The following RASGRF1 variants were observed in gnomAD, a reference collection of about 807,000 sequenced individuals.
RASGRF1 encodes Ras protein specific guanine nucleotide releasing factor 1.
Under a neutral mutation model 138.7 loss-of-function variants are expected in RASGRF1, and 40 were observed. The observed-to-expected ratio is 0.29, with a 90% CI of 0.22 to 0.38. RASGRF1 has a LOEUF of 0.38. Among genes scored for constraint, RASGRF1 ranks in the 10% least tolerant of loss-of-function variants. RASGRF1 has a pLI of 1.00. For synonymous variants in RASGRF1, 614 were observed against 663.2 expected (o/e 0.93, Z 1.14); for missense variants, 1,108 against 1,650.4 (o/e 0.67, Z 5.69).
At chr15:79,005,401 C>T (rs1000569552) in intron 14 of RASGRF1, 4 of 985,202 alleles carry the variant, frequency 4.1e-6, no homozygotes, top group Non-Finnish European at 2.4e-6. Context: ...TGGGGCAGGG[C>T]ACTCAGAGAG....
At chr15:79,004,420 C>T (rs2056625723) in intron 14 of RASGRF1, among the ~76,000 whole-genome samples, 1 of 152,258 alleles carries the variant, frequency 6.6e-6, no homozygotes, top group East Asian at 1.9e-4. Context: ...GCCCCCCCAC[C>T]CCCTCAGGGC....
rs757745660 is a variant in RASGRF1, at chr15:79,090,413, A to T, written c.86T>A (p.Leu29Gln). The T allele has an allele frequency of 6.2e-7, 1 of 1,613,484 alleles. No homozygotes were observed. The highest frequency in any genetic ancestry group is 8.5e-7 in the Non-Finnish European group (1 of 1,179,980). Residue 29 changes from leucine to glutamine, a missense_variant, in exon 1 of 27, where the codon CTG (leucine) becomes CAG (glutamine). Coordinates refer to ENST00000558480, the MANE Select transcript of RASGRF1 (RefSeq NM_001145648.3). ...TGTGTTGTCCGAACTCCGCTTGCTC[A>T]GGTAGCCTTTGCGCGTGCCGTCCTT... ...ARKDGTRKGY[L>Q]SKRSSDNTKW...
intron 20 of RASGRF1, among the ~76,000 whole-genome samples, chr15:78,992,133 T>G (rs933702441): frequency 6.6e-6 from 1 of 152,212 alleles, no homozygotes; most frequent in Admixed American, 6.5e-5. Flanking sequence ...AAGCTGGAAG[T>G]GGGCTGACTA....
chr15:79,074,012 C>G (rs1172073722), intron 1 of RASGRF1, among the ~76,000 whole-genome samples: 1 of 152,182 alleles, frequency 6.6e-6, no homozygotes, highest in African/African-American at 2.4e-5. Context: ...TGGGTGCCAC[C>G]AGTTTTCTAG....
intron 4 of RASGRF1, 41 bp from the exon 5 acceptor site, chr15:79,047,040 G>A (rs1397026486): frequency 6.3e-7 from 1 of 1,591,758 alleles, no homozygotes; most frequent in Non-Finnish European, 8.6e-7. Flanking sequence ...CTGTCAGGGA[G>A]TCTGGACCAC....
intron 23 of RASGRF1, chr15:78,984,707 C>T (rs545921992): frequency 4.9e-6 from 2 of 404,688 alleles, no homozygotes; most frequent in South Asian, 2.3e-5. Context: ...ATAAAGCCAC[C>T]ACTCTTGCCC....
At chr15:79,015,652 T>C (rs997375783) in intron 12 of RASGRF1, among the ~76,000 whole-genome samples, 5 of 152,240 alleles carry the variant, frequency 3.3e-5, no homozygotes, top group African/African-American at 4.8e-5. Flanking sequence ...TTTCATTATA[T>C]GCAAAGTGGG....
Position 79,032,008 on chromosome 15 carries a change from C to T in RASGRF1, c.1152+115G>A. ...CTGCTGGCCCTGACCACCTCCCCCG[C>T]CCCCTTTGGCAGCCCAGAGCTGGGG... On this transcript the variant is annotated intron_variant, in intron 7 of 26. Transcript: ENST00000558480. This position sits in a 1 kb window ranked among gnomAD's most constrained non-coding sequence, Gnocchi z 4.5. 1 of 1,290,296 alleles carries T rather than the reference C, an allele frequency of 7.8e-7. No individual in the cohort carries two copies. Among genetic ancestry groups the T allele is most frequent in the South Asian group, 1.5e-5 (1 of 67,440 alleles). The allele number at this position is 1,290,296 out of a possible 1,614,324, so 79.9% of individuals were successfully genotyped here. A position where few individuals can be genotyped will look rare whatever the true frequency, so the allele number is the denominator to read the frequency against.
At chr15:79,089,278 T>C (rs1728039589) in intron 1 of RASGRF1, among the ~76,000 whole-genome samples, 1 of 152,238 alleles carries the variant, frequency 6.6e-6, no homozygotes, top group South Asian at 2.1e-4. Context: ...TCCACTATCA[T>C]CTGCTTTATC....
At chr15:78,968,889 C>A (rs1270975343) in intron 26 of RASGRF1, among the ~76,000 whole-genome samples, 1 of 152,164 alleles carries the variant, frequency 6.6e-6, no homozygotes, top group African/African-American at 2.4e-5. Flanking sequence ...ACCCCTGATA[C>A]CCGAAGTCTT....
rs2055917194 is a variant in RASGRF1 at position 78,978,216 on chromosome 15, T to TTTTCTTTTC, written c.3494+2403_3494+2404insGAAAAGAAA. ...TTTTCTTCTTTTTCTTTTTCTTTTC[T>TTTTCTTTTC]TTTGTTTTTTTTTTTTTTTTTTTTT... On this transcript the variant is annotated intron_variant, in intron 24 of 26. Transcript: ENST00000558480. Among the ~76,000 whole-genome samples, 33 of 62,222 alleles carry TTTTCTTTTC rather than the reference T, an allele frequency of 5.3e-4. 1 individual carries two copies. Among genetic ancestry groups the TTTTCTTTTC allele is most frequent in the African/African-American group, 1.4e-3 (24 of 16,794 alleles). 40.8% of individuals were successfully genotyped at this position (62,222 alleles called of 152,430 possible). A position where few individuals can be genotyped will look rare whatever the true frequency, so the allele number is the denominator to read the frequency against.
Position 78,999,839 on chromosome 15 carries a change from A to G in RASGRF1, c.2650T>C (p.Leu884=). ...ATGGCAAAGGCAGAGGCGGCCGACA[A>G]GGCACTGCGGTTATTGTCCAGTTCA... ...CRELDNNRSA[L]SAASAFAIAT... The change falls in exon 17 of 27, where the codon TTG becomes CTG. Residue 884 remains leucine (L), a synonymous_variant. Transcript: ENST00000558480. 6.2e-7 allele frequency: 1 copy of G among 1,614,190 alleles called. No homozygotes were observed. Among genetic ancestry groups the G allele is most frequent in the Admixed American group, 1.7e-5 (1 of 60,026 alleles).
intron 5 of RASGRF1, among the ~76,000 whole-genome samples, chr15:79,037,669 G>A (rs988731813): frequency 1.3e-5 from 2 of 152,000 alleles, no homozygotes; most frequent in African/African-American, 4.8e-5. Context: ...ATGTTGGCCA[G>A]GCTGGTTTCA....
chr15:78,995,861 C>G, intron 19 of RASGRF1, 61 bp from the exon 20 acceptor site: 4 of 1,546,154 alleles, frequency 2.6e-6, no homozygotes, highest in South Asian at 1.1e-5. Context: ...CCCTCCCCAG[C>G]TCGGACAGCC....
intron 4 of RASGRF1, among the ~76,000 whole-genome samples, chr15:79,048,025 A>G (rs2057378096): frequency 6.6e-6 from 1 of 152,188 alleles, no homozygotes; most frequent in Admixed American, 6.5e-5. Flanking sequence ...GCTTACTCTG[A>G]GGCTCCAGGA....
At chr15:78,999,715 C>A (rs2056476687) in intron 17 of RASGRF1, 28 bp downstream of exon 17, 3 of 1,607,070 alleles carry the variant, frequency 1.9e-6, no homozygotes, top group African/African-American at 2.7e-5. Flanking sequence ...ATGGGGAGGA[C>A]CCTGTGAGTG....
At chr15:79,025,194 G>T in intron 10 of RASGRF1, 120 bp downstream of exon 10, 1 of 1,150,538 alleles carries the variant, frequency 8.7e-7, no homozygotes, top group Non-Finnish European at 1.2e-6. Flanking sequence ...CTGTGTGTGT[G>T]TGCATGCACA....
chr15:79,000,938 G>C (rs1377579718), intron 16 of RASGRF1, among the ~76,000 whole-genome samples: 1 of 152,178 alleles, frequency 6.6e-6, no homozygotes, highest in African/African-American at 2.4e-5. Context: ...TTGCATGTGA[G>C]AGCAGGGACA....
chr15:79,052,383 C>G (rs1381458850), intron 3 of RASGRF1, among the ~76,000 whole-genome samples: 2 of 152,230 alleles, frequency 1.3e-5, no homozygotes, highest in Non-Finnish European at 2.9e-5. Flanking sequence ...GCTTTTCAAG[C>G]AGGTGCCACA....
Sources: gnomAD v4.1 joint callset for allele counts (sites outside exome capture counted in the v4.1 genomes callset) on GRCh38, gnomAD v4.1.1 for gene constraint, Gnocchi (gnomAD v3.1) non-coding constraint, MANE v1.5 for transcripts, NCBI Gene and HGNC (gene_info 2026-07-23, HGNC 2026-07-21) for gene names.